GCLC: variants seen among roughly 807,000 people sequenced by gnomAD.
The protein encoded by GCLC is glutamate-cysteine ligase catalytic subunit.
GCLC carries 30 observed loss-of-function variants against 81.5 expected under a neutral mutation model. The ratio of observed to expected loss-of-function variants is 0.37; its 90% CI spans 0.28 to 0.50. The LOEUF (loss-of-function observed/expected upper bound fraction) is 0.50, where lower values mean the gene tolerates loss of function less well. Ranked by LOEUF, GCLC falls within the 20% of genes least tolerant of loss-of-function variation. GCLC has a pLI of 0.96. For synonymous variants in GCLC, 262 were observed against 273.3 expected (o/e 0.96, Z 0.41); for missense variants, 556 against 777.4 (o/e 0.72, Z 3.39).
intron 6 of GCLC, 60 bp from the exon 7 acceptor site, chr6:53,509,310 T>C (rs1581732101): frequency 9.8e-7 from 1 of 1,020,680 alleles, no homozygotes; most frequent in Non-Finnish European, 1.6e-6. Context: ...CCCCAAGCAG[T>C]GAAGTCAGAG....
intron 1 of GCLC, among the ~76,000 whole-genome samples, chr6:53,543,161 G>A (rs1763388441): frequency 6.6e-6 from 1 of 152,164 alleles, no homozygotes; most frequent in African/African-American, 2.4e-5. Flanking sequence ...CTGGGCTCTA[G>A]GAAAACAGAG....
At chr6:53,500,867 C>G (rs1487230651) in intron 12 of GCLC, 1 of 360,884 alleles carries the variant, frequency 2.8e-6, no homozygotes, top group Non-Finnish European at 5.2e-6. Flanking sequence ...AGCAGTGTCT[C>G]ACCAGGAGTC....
chr6:53,522,392 T>C, intron 2 of GCLC, 23 bp downstream of exon 2: 1 of 1,322,600 alleles, frequency 7.6e-7, no homozygotes, highest in Non-Finnish European at 1.1e-6. Flanking sequence ...TCAGAAACAC[T>C]AAATCAGCAC....
At chr6:53,519,815 ATG>A (rs1228647842) in intron 3 of GCLC, among the ~76,000 whole-genome samples, 1 of 152,192 alleles carries the variant, frequency 6.6e-6, no homozygotes, top group East Asian at 1.9e-4. Context: ...GCTTCTATAA[ATG>A]TTAGATGGCT....
chr6:53,538,136 C>CTTTTTTTTT (rs10588842), intron 1 of GCLC, among the ~76,000 whole-genome samples: 48 of 78,908 alleles, frequency 6.1e-4, no homozygotes, highest in South Asian at 1.0e-3. Context: ...TTTTTCTTTC[C>CTTTTTTTTT]TTTTTTTTTT....
Position 53,506,128 on chromosome 6 carries a change from C to T in GCLC, c.1198-233G>A. ...CCCTATCACTGCAAGCTTAATCTCA[C>T]CCAGCTCCTACTCCCTATCTCCCAG... On this transcript the variant is annotated intron_variant, in intron 10 of 15. Transcript: ENST00000650454. The surrounding 1 kb of genome is among the most constrained non-coding windows in gnomAD (Gnocchi z 4.0). The T allele has an allele frequency of 2.1e-6, 1 of 468,600 alleles. No homozygotes were observed. Among genetic ancestry groups the T allele is most frequent in the South Asian group, 2.0e-5 (1 of 48,962 alleles). 29.0% of individuals were successfully genotyped at this position (468,600 alleles called of 1,614,324 possible).
At chr6:53,516,705 C>T (rs1764880466) in intron 3 of GCLC, among the ~76,000 whole-genome samples, 1 of 152,144 alleles carries the variant, frequency 6.6e-6, no homozygotes, top group South Asian at 2.1e-4. Context: ...TGGAAGGAGC[C>T]TGTTTTTTGC....
At chr6:53,533,126 C>T (rs1367935149) in intron 1 of GCLC, among the ~76,000 whole-genome samples, 3 of 152,186 alleles carry the variant, frequency 2.0e-5, no homozygotes, top group Non-Finnish European at 2.9e-5. Context: ...GAGATTAAGT[C>T]ATCACTCATT....
chr6:53,533,178 T>C (rs1403408647), intron 1 of GCLC, among the ~76,000 whole-genome samples: 1 of 152,214 alleles, frequency 6.6e-6, no homozygotes, highest in Non-Finnish European at 1.5e-5. Context: ...CACACAGATA[T>C]TACCAAAGTG....
At chr6:53,527,633 C>G (rs1358574908) in intron 1 of GCLC, among the ~76,000 whole-genome samples, 1 of 152,220 alleles carries the variant, frequency 6.6e-6, no homozygotes, top group Non-Finnish European at 1.5e-5. Flanking sequence ...CAGCCAATAA[C>G]ACGCTATTGC....
intron 1 of GCLC, among the ~76,000 whole-genome samples, chr6:53,530,554 C>T (rs1032106777): frequency 6.6e-6 from 1 of 152,192 alleles, no homozygotes; most frequent in Non-Finnish European, 1.5e-5. Context: ...ATGAGGTCAG[C>T]CTGATTTTCA....
intron 2 of GCLC, among the ~76,000 whole-genome samples, chr6:53,521,217 C>T (rs1265217262): frequency 4.6e-5 from 7 of 152,116 alleles, no homozygotes; most frequent in Admixed American, 2.0e-4. Context: ...TGCAATGGCA[C>T]GATCTTGGCT....
intron 1 of GCLC, among the ~76,000 whole-genome samples, chr6:53,538,838 G>C (rs915743886): frequency 5.3e-5 from 8 of 152,164 alleles, no homozygotes; most frequent in African/African-American, 1.7e-4. Flanking sequence ...TACAAACTTA[G>C]AAGTAAAAGT....
At chr6:53,515,507 T>C (rs1764851753) in intron 4 of GCLC, among the ~76,000 whole-genome samples, 1 of 152,278 alleles carries the variant, frequency 6.6e-6, no homozygotes, top group African/African-American at 2.4e-5. Flanking sequence ...GAATGAACGC[T>C]GAGAAGTCTC....
In GCLC at chr6:53,520,824, T is replaced by C. The variant is rs763372099; in HGVS notation, c.400A>G (p.Ile134Val). ...MRKRRKEATS[I>V]LEENQALCTI... ...CAAAGAGCCTGATTTTCTTCTAATATAGAAGTAGCCTCCTTCCGGCGTTTT... is the reference window on the plus strand; with the variant it reads ...CAAAGAGCCTGATTTTCTTCTAATACAGAAGTAGCCTCCTTCCGGCGTTTT... Residue 134 changes from isoleucine (I) to valine (V), a missense_variant, in exon 3 of 16, where the codon ATA (isoleucine) becomes GTA (valine). Around this residue, in one of 3 missense-constraint regions of GCLC, gnomAD observed 234 missense variants for 303.8 expected, o/e 0.77. Transcript: ENST00000650454. 5 of 1,614,066 alleles carry C rather than the reference T, an allele frequency of 3.1e-6. No individual in the cohort carries two copies. The highest frequency in any genetic ancestry group is 1.1e-5 in the South Asian group (1 of 91,090).
At chr6:53,510,158 TG>T (rs1474785936) in intron 6 of GCLC, 1 of 152,314 alleles carries the variant, frequency 6.6e-6, no homozygotes, top group Non-Finnish European at 1.5e-5. Flanking sequence ...GGTTTTGGCT[TG>T]GGTGTTCAGA....
chr6:53,526,660 T>C (rs1180284298), intron 1 of GCLC, among the ~76,000 whole-genome samples: 3 of 152,054 alleles, frequency 2.0e-5, no homozygotes, highest in African/African-American at 7.2e-5. Context: ...TAGCTAGGCA[T>C]GCTGGCGGGC....
At chr6:53,536,353 G>T (rs916295119) in intron 1 of GCLC, among the ~76,000 whole-genome samples, 1 of 152,154 alleles carries the variant, frequency 6.6e-6, no homozygotes, top group South Asian at 2.1e-4. Flanking sequence ...TGGAGATAAT[G>T]AATATACTTA....
intron 1 of GCLC, among the ~76,000 whole-genome samples, chr6:53,535,125 G>A (rs1267043382): frequency 6.6e-6 from 1 of 152,244 alleles, no homozygotes; most frequent in Non-Finnish European, 1.5e-5. Flanking sequence ...GCACATGCCT[G>A]TAAGTCCCAG....
Sources: allele counts gnomAD v4.1 joint callset (sites outside exome capture counted in the v4.1 genomes callset), GRCh38; gene constraint gnomAD v4.1.1; regional missense constraint gnomAD v4.1.1; non-coding constraint Gnocchi (gnomAD v3.1); transcripts MANE v1.5; gene names NCBI Gene and HGNC (gene_info 2026-07-23, HGNC 2026-07-21).